Variants in RABEP2 observed in about 807,000 individuals in gnomAD.
RABEP2 encodes the protein rabaptin, RAB GTPase binding effector protein 2, also known as rab GTPase-binding effector protein 2.
In RABEP2, 57 loss-of-function variants were observed where a neutral mutation model predicts 74.1. The observed-to-expected ratio is 0.77, with a 90% CI of 0.62 to 0.96. RABEP2 has a LOEUF of 0.96. Ranked by LOEUF, RABEP2 falls within the 40% of genes least tolerant of loss-of-function variation. The pLI is 0.00. For missense variants in RABEP2, 692 were observed against 756.3 expected (o/e 0.91, Z 1.00); for synonymous variants, 351 against 344.0 (o/e 1.02, Z -0.23).
chr16:28,924,095 C>G, intron 2 of RABEP2: 1 of 404,290 alleles, frequency 2.5e-6, no homozygotes, highest in South Asian at 2.4e-5. Context: ...GTTTGGGGAA[C>G]TGAGAAGTTT....
intron 7 of RABEP2, chr16:28,910,459 T>G: frequency 6.4e-6 from 1 of 156,358 alleles, no homozygotes; most frequent in Non-Finnish European, 1.4e-5. Context: ...TTTGTATTCT[T>G]AGTAGAGATG....
chr16:28,908,900 G>A, intron 7 of RABEP2, 136 bp from the exon 8 acceptor site: 3 of 939,188 alleles, frequency 3.2e-6, no homozygotes, highest in Non-Finnish European at 4.7e-6. Context: ...AAGCAAGGAA[G>A]GAGCACTTTT....
intron 3 of RABEP2, among the ~76,000 whole-genome samples, chr16:28,916,873 A>G (rs1429700078): frequency 1.3e-5 from 2 of 151,310 alleles, no homozygotes; most frequent in East Asian, 1.9e-4. Flanking sequence ...AATCCCAGCT[A>G]CTTGGGAGGT....
In RABEP2 at chr16:28,905,013, G is replaced by T; in HGVS notation, c.1640C>A (p.Thr547Asn). ...VRLERIRQAE[T>N]LEQVRSIMDE... The stretch of plus-strand genomic sequence containing the variant: ...CATGATGCTGCGCACTTGCTCCAGG[G>T]TCTCAGCCTGGCGGATCCGCTCTAG... The change falls in exon 13 of 13, where the codon ACC becomes AAC. Residue 547 changes from threonine to asparagine, a missense_variant. Coordinates refer to ENST00000358201, the MANE Select transcript of RABEP2 (RefSeq NM_024816.3). 6.2e-7 allele frequency: 1 copy of T among 1,610,632 alleles called. No homozygotes were observed. Among genetic ancestry groups the T allele is most frequent in the Non-Finnish European group, 8.5e-7 (1 of 1,179,698 alleles).
chr16:28,904,611 C>A lies in RABEP2; in HGVS notation c.*332G>T. 9.1e-7 allele frequency: 1 copy of A among 1,097,246 alleles called. No homozygotes were observed. The highest frequency in any genetic ancestry group is 1.2e-6 in the Non-Finnish European group (1 of 811,082). 68.0% of individuals were successfully genotyped at this position (1,097,246 alleles called of 1,614,324 possible). A position where few individuals can be genotyped will look rare whatever the true frequency, so the allele number is the denominator to read the frequency against. On this transcript the variant is annotated 3_prime_UTR_variant, in exon 13 of 13. Transcript: ENST00000358201. Reference sequence around the variant, plus strand: ...TGGGGACTCCCAGCCCCCATGGCTCCGCTGTGCCCTGGGCAGGGGACGGGC... The same window carrying A: ...TGGGGACTCCCAGCCCCCATGGCTCAGCTGTGCCCTGGGCAGGGGACGGGC...
At position 28,914,275 on chromosome 16, in the gene RABEP2, C is replaced by G; in HGVS notation, c.855G>C (p.Gln285His). The G allele has an allele frequency of 6.2e-7, 1 of 1,611,136 alleles. No individual in the cohort carries two copies. The highest frequency in any genetic ancestry group is 8.5e-7 in the Non-Finnish European group (1 of 1,179,428). The part of the protein sequence containing the change: ...EGIYLPPPGY[Q>H]LVPDTQWEQL... ...GCTCCCACTGAGTGTCTGGGACGAG[C>G]TGGTAGCCAGGAGGGGGCAGGTAGA... The change falls in exon 5 of 13, where the codon CAG becomes CAC. Residue 285 changes from glutamine to histidine, a missense_variant. Gln to His is a conservative substitution (Grantham distance 24, BLOSUM62 0). Transcript: ENST00000358201.
rs1318959064 is a variant in RABEP2, at chr16:28,908,750, G to A, written c.1104C>T (p.Thr368=). 3 of 1,614,076 alleles carry A rather than the reference G, an allele frequency of 1.9e-6. No individual in the cohort carries two copies. Among genetic ancestry groups the A allele is most frequent in the Non-Finnish European group, 2.5e-6 (3 of 1,179,992 alleles). Reference sequence around the variant, plus strand: ...CCTCATGGTGCAGGCACTTGTGGGTGGTGACCAGCTCCGCCTATGGACAGA... The same window carrying A: ...CCTCATGGTGCAGGCACTTGTGGGTAGTGACCAGCTCCGCCTATGGACAGA... ...RVQLQMAELV[T]THKCLHHEVK... The change falls in exon 8 of 13, where the codon ACC becomes ACT. Residue 368 remains threonine, a synonymous_variant. Coordinates refer to ENST00000358201, the MANE Select transcript of RABEP2 (RefSeq NM_024816.3).
rs774915459 is a variant in RABEP2, at chr16:28,924,559, G to A, written c.118C>T (p.Leu40Phe). The A allele has an allele frequency of 1.1e-5, 18 of 1,613,664 alleles. No homozygotes were observed. The highest frequency in any genetic ancestry group is 8.5e-7 in the Non-Finnish European group (1 of 1,180,030). ...GCCAGCTCAGCCCGAAGCCGGCTGA[G>A]CTCACCTGACTCGGCCTCACCATTT... ...GANGEAESGE[L>F]SRLRAELAGA... The change falls in exon 2 of 13, where the codon CTC becomes TTC. Residue 40 changes from leucine (L) to phenylalanine (F), a missense_variant. Leu to Phe is a conservative substitution (Grantham distance 22, BLOSUM62 0). Transcript: ENST00000358201.
At chr16:28,919,112 G>A (rs985896305) in intron 3 of RABEP2, among the ~76,000 whole-genome samples, 1 of 152,208 alleles carries the variant, frequency 6.6e-6, no homozygotes, top group Non-Finnish European at 1.5e-5. Flanking sequence ...GAATGGACTG[G>A]GGAGGCTGAC....
intron 1 of RABEP2, 176 bp downstream of exon 1, chr16:28,924,927 T>A: frequency 1.1e-6 from 1 of 878,474 alleles, no homozygotes; most frequent in Non-Finnish European, 1.8e-6. Flanking sequence ...CCCTACCCCT[T>A]CAATGGCCGG....
chr16:28,909,733 A>G (rs1258097436), intron 7 of RABEP2, among the ~76,000 whole-genome samples: 1 of 151,666 alleles, frequency 6.6e-6, no homozygotes, highest in Non-Finnish European at 1.5e-5. Context: ...TTAAAAAAAA[A>G]AAAACAGGAG....
At chr16:28,906,285 A>G in intron 8 of RABEP2, 89 bp from the exon 9 acceptor site, 1 of 1,434,334 alleles carries the variant, frequency 7.0e-7, no homozygotes, top group Non-Finnish European at 9.2e-7. Flanking sequence ...GTCGGGAGGA[A>G]CGGGGAAGGA....
intron 5 of RABEP2, among the ~76,000 whole-genome samples, chr16:28,912,409 T>C (rs1596698489): frequency 1.2e-5 from 1 of 81,234 alleles, no homozygotes; most frequent in African/African-American, 3.0e-5. Flanking sequence ...TTTCTTTCTT[T>C]TTTTTTTTTT....
At chr16:28,907,699 G>A (rs961121874) in intron 8 of RABEP2, among the ~76,000 whole-genome samples, 2 of 152,144 alleles carry the variant, frequency 1.3e-5, no homozygotes, top group Admixed American at 6.5e-5. Flanking sequence ...GTGCAGTGGC[G>A]CGATCTTGGC....
intron 2 of RABEP2, among the ~76,000 whole-genome samples, chr16:28,921,763 G>T (rs538626091): frequency 1.3e-5 from 2 of 150,362 alleles, no homozygotes; most frequent in South Asian, 4.2e-4. Flanking sequence ...TCAGGAGTTC[G>T]AGACCAGCCT....
chr16:28,921,179 A>C (rs1964464469), intron 2 of RABEP2: 6 of 455,770 alleles, frequency 1.3e-5, no homozygotes, highest in Non-Finnish European at 2.6e-5. Context: ...TCGTAGTAAT[A>C]AATATTTACG....
chr16:28,905,671 C>T (rs567596624), intron 11 of RABEP2, 33 bp downstream of exon 11: 3 of 1,610,156 alleles, frequency 1.9e-6, no homozygotes, highest in Non-Finnish European at 2.5e-6. Context: ...AGCTGGGTCC[C>T]TCTCCTCCCA....
intron 5 of RABEP2, 145 bp from the exon 6 acceptor site, chr16:28,911,324 A>C (rs1964310857): frequency 4.1e-6 from 3 of 727,484 alleles, no homozygotes; most frequent in Non-Finnish European, 6.8e-6. Context: ...TCTTCCCTTC[A>C]CTCCCCACCC....
In RABEP2 at chr16:28,921,166, T is replaced by G. The variant is rs536416039; in HGVS notation, c.275-1223A>C. ...GGCATGAGCCACCACACCCGGCCCT[T>G]AATCGTAGTAATAAATATTTACGCT... On this transcript the variant is annotated intron_variant, in intron 2 of 12. Transcript: ENST00000358201. 3.7e-5 allele frequency: 17 copies of G among 455,672 alleles called. No individual in the cohort carries two copies. The East Asian group carries it at 1.2e-3, about 32-fold the overall frequency. 28.2% of individuals were successfully genotyped at this position (455,672 alleles called of 1,614,324 possible). A position where few individuals can be genotyped will look rare whatever the true frequency, so the allele number is the denominator to read the frequency against.
Sources: gnomAD v4.1 joint callset for allele counts (sites outside exome capture counted in the v4.1 genomes callset) on GRCh38, gnomAD v4.1.1 for gene constraint, MANE v1.5 for transcripts, NCBI Gene and HGNC (gene_info 2026-07-23, HGNC 2026-07-21) for gene names.